The following CPXM2 variants were observed in gnomAD, a reference collection of about 807,000 sequenced individuals.
The protein encoded by CPXM2 is inactive carboxypeptidase-like protein X2.
CPXM2 carries 66 observed loss-of-function variants against 86.1 expected under a neutral mutation model. The observed-to-expected ratio is 0.77, with a 90% CI of 0.63 to 0.94. The LOEUF is 0.94. Among genes scored for constraint, CPXM2 ranks in the 40% least tolerant of loss-of-function variants. CPXM2 has a pLI of 0.00. For synonymous variants in CPXM2, 388 were observed against 400.2 expected (o/e 0.97, Z 0.36); for missense variants, 948 against 1,026.3 (o/e 0.92, Z 1.04).
At chr10:123,763,753 A>T (rs1368177013) in intron 10 of CPXM2, among the ~76,000 whole-genome samples, 2 of 152,042 alleles carry the variant, frequency 1.3e-5, no homozygotes, top group African/African-American at 4.8e-5. Context: ...GTAATTTTCA[A>T]TCTTTTGCTA....
chr10:123,799,307 G>T, intron 4 of CPXM2, 108 bp from the exon 5 acceptor site: 1 of 1,304,636 alleles, frequency 7.7e-7, no homozygotes, highest in Non-Finnish European at 1.1e-6. Flanking sequence ...ATGGCACTGG[G>T]TCAAACCCTG....
At chr10:123,866,694 C>T (rs968317668) in intron 2 of CPXM2, among the ~76,000 whole-genome samples, 6 of 152,302 alleles carry the variant, frequency 3.9e-5, no homozygotes, top group African/African-American at 1.2e-4. Flanking sequence ...TGGAGTAATC[C>T]GCCTGCAATC....
chr10:123,872,189 T>C (rs568878101), intron 2 of CPXM2, among the ~76,000 whole-genome samples: 3 of 152,210 alleles, frequency 2.0e-5, no homozygotes, highest in African/African-American at 7.2e-5. Flanking sequence ...TAGGTATACA[T>C]GCAAAAAAAA....
At chr10:123,848,588 A>AG (rs1848542545) in intron 3 of CPXM2, among the ~76,000 whole-genome samples, 1 of 152,250 alleles carries the variant, frequency 6.6e-6, no homozygotes, top group African/African-American at 2.4e-5. Flanking sequence ...AAACAGGCAA[A>AG]TGTTTTCACA....
intron 2 of CPXM2, among the ~76,000 whole-genome samples, chr10:123,906,732 T>C (rs1945445546): frequency 6.6e-6 from 1 of 152,156 alleles, no homozygotes; most frequent in African/African-American, 2.4e-5. Flanking sequence ...ACAGGAAATC[T>C]ATGCAAGAAA....
At chr10:123,926,661 T>C (rs961165214) in intron 2 of CPXM2, among the ~76,000 whole-genome samples, 2 of 152,224 alleles carry the variant, frequency 1.3e-5, no homozygotes, top group African/African-American at 4.8e-5. Flanking sequence ...CTGCCTTTTG[T>C]TTTTGTCCTT....
intron 6 of CPXM2, among the ~76,000 whole-genome samples, chr10:123,789,515 A>T (rs893954301): frequency 1.3e-5 from 2 of 152,168 alleles, no homozygotes; most frequent in Non-Finnish European, 2.9e-5. Context: ...GTTTCCCAAG[A>T]TCATCAACAT....
At chr10:123,895,089 A>G (rs1475709947), upstream of CPXM2, among the ~76,000 whole-genome samples, 3 of 145,368 alleles carry the variant, frequency 2.1e-5, no homozygotes, top group Admixed American at 6.8e-5. Flanking sequence ...GGCAACAACC[A>G]TAAGACAGAT....
At chr10:123,889,687 C>T (rs372438350) in intron 1 of CPXM2, among the ~76,000 whole-genome samples, 2 of 152,160 alleles carry the variant, frequency 1.3e-5, no homozygotes, top group African/African-American at 4.8e-5. Context: ...TGCAGTCTTC[C>T]TATTTGCAAA....
chr10:123,921,328 A>G (rs1945578230), intron 2 of CPXM2, among the ~76,000 whole-genome samples: 1 of 152,200 alleles, frequency 6.6e-6, no homozygotes, highest in Non-Finnish European at 1.5e-5. Flanking sequence ...TAGACATTAT[A>G]GATTTGGCCT....
At chr10:123,838,410 C>T (rs1378347130) in intron 4 of CPXM2, among the ~76,000 whole-genome samples, 2 of 152,180 alleles carry the variant, frequency 1.3e-5, no homozygotes, top group African/African-American at 4.8e-5. Context: ...GTCGATATCA[C>T]TCCTCTGCAC....
chr10:123,824,979 G>T (rs893456509), intron 4 of CPXM2, among the ~76,000 whole-genome samples: 4 of 152,194 alleles, frequency 2.6e-5, no homozygotes, highest in African/African-American at 9.6e-5. Flanking sequence ...GTCTTTTCCT[G>T]TTTGAAAGTC....
Position 123,794,529 on chromosome 10 carries a change from T to C in CPXM2, c.889+3447A>G, listed in dbSNP as rs1183471602. ...AAATCTCTGAAAACCACCAAGGCCA[T>C]GACCATCTGGCCAGTCAGCTGGCAC... On this transcript the variant is annotated intron_variant, in intron 6 of 13. Transcript: ENST00000241305. Among the ~76,000 whole-genome samples the C allele has an allele frequency of 3.3e-5, 5 of 152,158 alleles. No homozygotes were observed. In the South Asian group the frequency reaches 1.0e-3, roughly 32 times the overall value.
chr10:123,753,143 G>A (rs1277652852), intron 13 of CPXM2, among the ~76,000 whole-genome samples: 2 of 152,138 alleles, frequency 1.3e-5, no homozygotes, highest in Non-Finnish European at 2.9e-5. Context: ...CCCCGGGGAA[G>A]AAGGTTCAGG....
intron 4 of CPXM2, among the ~76,000 whole-genome samples, chr10:123,812,465 T>C (rs778279326): frequency 6.6e-6 from 1 of 152,188 alleles, no homozygotes; most frequent in African/African-American, 2.4e-5. Flanking sequence ...ATAAGGAGAA[T>C]GATTCCACTT....
intron 2 of CPXM2, among the ~76,000 whole-genome samples, chr10:123,872,206 T>C (rs1179250926): frequency 6.6e-6 from 1 of 152,168 alleles, no homozygotes; most frequent in Non-Finnish European, 1.5e-5. Context: ...AAAATTCATA[T>C]ATACACCAAA....
At chr10:123,755,979 A>G (rs1467310718) in intron 12 of CPXM2, among the ~76,000 whole-genome samples, 2 of 152,202 alleles carry the variant, frequency 1.3e-5, no homozygotes, top group African/African-American at 4.8e-5. Context: ...AAAGAAGGAA[A>G]AACAGACTCA....
chr10:123,861,853 C>T (rs1475716394), intron 3 of CPXM2, among the ~76,000 whole-genome samples: 9 of 152,180 alleles, frequency 5.9e-5, no homozygotes, highest in South Asian at 2.1e-4. Context: ...GAAGAGGCTA[C>T]GTTTGTCACA....
At chr10:123,747,433 T>C (rs1162069180) in intron 13 of CPXM2, among the ~76,000 whole-genome samples, 1 of 152,202 alleles carries the variant, frequency 6.6e-6, no homozygotes, top group Non-Finnish European at 1.5e-5. Flanking sequence ...CAACCATTTT[T>C]CAAAGGTGTG....
Sources: allele counts gnomAD v4.1 joint callset (sites outside exome capture counted in the v4.1 genomes callset), GRCh38; gene constraint gnomAD v4.1.1; transcripts MANE v1.5; gene names NCBI Gene and HGNC (gene_info 2026-07-23, HGNC 2026-07-21).